The following SSUH2 variants were observed in gnomAD, a reference collection of about 807,000 sequenced individuals.
SSUH2 encodes ssu-2 homolog, also known as protein SSUH2 homolog.
SSUH2 carries 47 observed loss-of-function variants against 55.3 expected under a neutral mutation model. The ratio of observed to expected loss-of-function variants is 0.85; its 90% confidence interval spans 0.67 to 1.08. The LOEUF (loss-of-function observed/expected upper bound fraction) is 1.08. Ranked by LOEUF, SSUH2 falls within the 50% of genes least tolerant of loss-of-function variation. The probability of loss-of-function intolerance (pLI) is 0.00; values close to 1 mark genes in which losing one functional copy is unlikely to be tolerated. For missense variants in SSUH2, 535 were observed against 490.7 expected (o/e 1.09, Z -0.85); for synonymous variants, 212 against 191.5 (o/e 1.11, Z -0.89).
chr3:8,626,330 G>C lies in SSUH2; in HGVS notation c.675-9C>G. On this transcript the variant is annotated splice_polypyrimidine_tract_variant and intron_variant, in intron 8 of 11. Transcript: ENST00000544814. ...CTGAGCAAGTGCTGCATCTGAGAAAGGCACAGAGTCCGTACCCCCAGATCA... is the reference window on the plus strand; with the variant it reads ...CTGAGCAAGTGCTGCATCTGAGAAACGCACAGAGTCCGTACCCCCAGATCA... 6.2e-7 allele frequency: 1 copy of C among 1,612,534 alleles called. No individual in the cohort carries two copies. The highest frequency in any genetic ancestry group is 8.5e-7 in the Non-Finnish European group (1 of 1,178,582).
At chr3:8,679,144 C>CG (rs1705737595) in intron 2 of SSUH2, among the ~76,000 whole-genome samples, 1 of 104,630 alleles carries the variant, frequency 9.6e-6, no homozygotes, top group Non-Finnish European at 2.2e-5. Flanking sequence ...GAGGCACCCC[C>CG]GCGAGGCGGG....
At chr3:8,627,614 T>G in intron 8 of SSUH2, 84 bp downstream of exon 8, 1 of 1,186,290 alleles carries the variant, frequency 8.4e-7, no homozygotes, top group Non-Finnish European at 1.2e-6. Flanking sequence ...GACAGATGGG[T>G]TCCTGTTTGC....
chr3:8,679,793 G>A (rs1428459669), exon 2 of SSUH2: 1 of 154,178 alleles, frequency 6.5e-6, no homozygotes, highest in East Asian at 1.9e-4. Flanking sequence ...ATCCCACAGG[G>A]GTCTGAACGC....
chr3:8,676,688 TAAC>T (rs1705319120), intron 3 of SSUH2, among the ~76,000 whole-genome samples: 1 of 148,832 alleles, frequency 6.7e-6, no homozygotes, highest in African/African-American at 2.5e-5. Context: ...AGGATATTAA[TAAC>T]AATTTCACAG....
chr3:8,637,580 C>T (rs1700128046), intron 1 of SSUH2, among the ~76,000 whole-genome samples: 1 of 152,232 alleles, frequency 6.6e-6, no homozygotes, highest in Non-Finnish European at 1.5e-5. Flanking sequence ...TAGAGCAGGA[C>T]AGAGGTCCCA....
upstream of SSUH2, among the ~76,000 whole-genome samples, chr3:8,646,917 G>A (rs1010791093): frequency 6.6e-6 from 1 of 152,208 alleles, no homozygotes; most frequent in African/African-American, 2.4e-5. Context: ...CTCCTGAACT[G>A]GCCCTCGTGT....
intron 10 of SSUH2, among the ~76,000 whole-genome samples, 184 bp from the exon 11 acceptor site, chr3:8,623,840 G>A (rs1050165697): frequency 2.0e-5 from 3 of 152,174 alleles, no homozygotes; most frequent in African/African-American, 7.2e-5. Context: ...GAGAGAGAAC[G>A]CTATCACCTG....
In SSUH2 at chr3:8,626,346, C is replaced by G. The variant is rs1035791224; in HGVS notation, c.675-25G>C. On this transcript the variant is annotated intron_variant, in intron 8 of 11. Transcript: ENST00000544814. ...TCTGAGAAAGGCACAGAGTCCGTAC[C>G]CCCAGATCAGTTGCAGGTCCTGGTG... 6 of 1,599,422 alleles carry G rather than the reference C, an allele frequency of 3.8e-6. No homozygotes were observed. The African/African-American group carries it at 5.4e-5, about 14-fold the overall frequency.
upstream of SSUH2, among the ~76,000 whole-genome samples, chr3:8,647,258 AC>A (rs1462153315): frequency 6.6e-6 from 1 of 152,254 alleles, no homozygotes; most frequent in Non-Finnish European, 1.5e-5. Context: ...ATCTCAGGAC[AC>A]CTGTCCTATC....
At chr3:8,679,446 G>A (rs1225252284) in intron 2 of SSUH2, among the ~76,000 whole-genome samples, 9 of 134,214 alleles carry the variant, frequency 6.7e-5, no homozygotes, top group East Asian at 5.0e-4. Flanking sequence ...CCATCACAGC[G>A]GGGGGAGGCA....
At chr3:8,642,803 G>C (rs1701074616) in intron 1 of SSUH2, among the ~76,000 whole-genome samples, 1 of 152,252 alleles carries the variant, frequency 6.6e-6, no homozygotes, top group East Asian at 1.9e-4. Context: ...TTTAAATTAT[G>C]TAAGGCCTGT....
At chr3:8,659,327 G>A (rs1703245576) in intron 6 of SSUH2, among the ~76,000 whole-genome samples, 2 of 151,964 alleles carry the variant, frequency 1.3e-5, no homozygotes, top group Admixed American at 1.3e-4. Flanking sequence ...CTTGTCTCCT[G>A]TCTTCCCTTT....
chr3:8,629,612 C>T (rs1389314759), intron 7 of SSUH2, 52 bp downstream of exon 7: 11 of 679,156 alleles, frequency 1.6e-5, no homozygotes, highest in South Asian at 2.7e-5. Flanking sequence ...TCCCCAGGAT[C>T]CCCCGGCCAC....
chr3:8,674,018 G>A (rs773634807), intron 3 of SSUH2, among the ~76,000 whole-genome samples: 17 of 152,340 alleles, frequency 1.1e-4, no homozygotes, highest in African/African-American at 2.9e-4. Flanking sequence ...CGCGGAACAC[G>A]TTAGAAGAAA....
At chr3:8,677,078 CTG>C (rs1705442873) in intron 3 of SSUH2, 1 of 149,912 alleles carries the variant, frequency 6.7e-6, no homozygotes, top group Non-Finnish European at 1.5e-5. Context: ...CCTCTTCCCC[CTG>C]TGGCTCTTAG....
At chr3:8,629,328 C>T (rs1466707) in intron 7 of SSUH2, 101,639 of 303,770 alleles carry the variant, frequency 0.33, 17,881 homozygotes, top group East Asian at 0.46. Context: ...CCCTGGCTGA[C>T]AAAGACTGCC....
chr3:8,627,125 G>A (rs948565917), intron 8 of SSUH2: 3 of 152,256 alleles, frequency 2.0e-5, no homozygotes, highest in Non-Finnish European at 2.9e-5. Flanking sequence ...ACCCAACCTT[G>A]AGTATTTTTA....
At chr3:8,641,032 C>G (rs1334629886) in intron 1 of SSUH2, among the ~76,000 whole-genome samples, 1 of 152,138 alleles carries the variant, frequency 6.6e-6, no homozygotes, top group Non-Finnish European at 1.5e-5. Flanking sequence ...TTGTACTCAC[C>G]CTCACACACC....
At chr3:8,641,959 G>C (rs1448651057) in intron 1 of SSUH2, among the ~76,000 whole-genome samples, 1 of 152,194 alleles carries the variant, frequency 6.6e-6, no homozygotes, top group African/African-American at 2.4e-5. Context: ...TGGTGATGGC[G>C]ATGTGGCCCC....
Sources: allele counts gnomAD v4.1 joint callset (sites outside exome capture counted in the v4.1 genomes callset), GRCh38; gene constraint gnomAD v4.1.1; transcripts MANE v1.5; gene names NCBI Gene and HGNC (gene_info 2026-07-23, HGNC 2026-07-21).